ZFP64: variants seen among roughly 807,000 people sequenced by gnomAD.
The protein encoded by ZFP64 is ZFP64 zinc finger protein, also known as zinc finger protein 64.
In ZFP64, 14 loss-of-function variants were observed where a neutral mutation model predicts 51.6. The ratio of observed to expected loss-of-function variants is 0.27; its 90% CI spans 0.18 to 0.42. The LOEUF (loss-of-function observed/expected upper bound fraction) is 0.42, where lower values mean the gene tolerates loss of function less well. Among genes scored for constraint, ZFP64 ranks in the 10% least tolerant of loss-of-function variants. The pLI is 1.00. For synonymous variants in ZFP64, 375 were observed against 361.4 expected (o/e 1.04, Z -0.43); for missense variants, 754 against 906.8 (o/e 0.83, Z 2.16).
chr20:52,105,393 G>A (rs546621081), intron 5 of ZFP64: 5 of 1,231,230 alleles, frequency 4.1e-6, no homozygotes, highest in South Asian at 8.2e-5. Flanking sequence ...GAGTCCTGAC[G>A]GCTGATTGGC....
downstream of ZFP64, among the ~76,000 whole-genome samples, chr20:52,147,767 C>T (rs1980594752): frequency 1.3e-5 from 2 of 152,132 alleles, no homozygotes; most frequent in Non-Finnish European, 2.9e-5. Context: ...GTAATCCCAG[C>T]ACTTTGGGAG....
intron 2 of ZFP64, among the ~76,000 whole-genome samples, chr20:52,171,657 T>C (rs1420552972): frequency 6.6e-6 from 1 of 152,014 alleles, no homozygotes. Context: ...ACCTGGCTAA[T>C]TTTTGTATTT....
chr20:52,134,482 T>C (rs1404243329), intron 5 of ZFP64, among the ~76,000 whole-genome samples: 13 of 152,224 alleles, frequency 8.5e-5, no homozygotes, highest in Admixed American at 8.5e-4. Flanking sequence ...AGTGTCATTG[T>C]GACTTAAGCC....
At chr20:52,138,423 G>A (rs1980087953) in intron 5 of ZFP64, among the ~76,000 whole-genome samples, 1 of 151,714 alleles carries the variant, frequency 6.6e-6, no homozygotes, top group Non-Finnish European at 1.5e-5. Flanking sequence ...ACAAGGAGAG[G>A]CTGATAAAGA....
rs1280908553 is a variant in ZFP64 at position 52,144,350 on chromosome 20, C to T, written c.763+15773G>A. On this transcript the variant is annotated intron_variant, in intron 5 of 8. Coordinates refer to the ZFP64 transcript ENST00000361387. Reference sequence around the variant, plus strand: ...ATCCCAGCACTTTGGGAGGCCAAGGCGGGCAGATCACGAGGTCAAGAGATC... The same window carrying T: ...ATCCCAGCACTTTGGGAGGCCAAGGTGGGCAGATCACGAGGTCAAGAGATC... 5.0e-5 allele frequency among the ~76,000 whole-genome samples: 7 copies of T among 141,026 alleles called. 1 individual carries two copies. The highest frequency in any genetic ancestry group is 1.0e-4 in the African/African-American group (4 of 39,344). 92.5% of individuals were successfully genotyped at this position (141,026 alleles called of 152,430 possible).
intron 5 of ZFP64, among the ~76,000 whole-genome samples, chr20:52,099,555 T>A (rs989858594): frequency 6.6e-6 from 1 of 152,206 alleles, no homozygotes; most frequent in South Asian, 2.1e-4. Flanking sequence ...AAAGCTGAGA[T>A]GGTAAGAAGT....
exon 9 of ZFP64, chr20:52,084,258 G>A (rs1311148285): frequency 5.6e-6 from 2 of 359,066 alleles, no homozygotes; most frequent in Non-Finnish European, 1.0e-5. Flanking sequence ...AATCCGTTAC[G>A]TAGAAGCTAT....
intron 5 of ZFP64, among the ~76,000 whole-genome samples, chr20:52,128,466 C>A (rs1372558841): frequency 6.6e-6 from 1 of 152,090 alleles, no homozygotes; most frequent in Non-Finnish European, 1.5e-5. Flanking sequence ...TAGCAACTAA[C>A]CTGAAAACAG....
At chr20:52,104,740 C>T in intron 5 of ZFP64, 1 of 509,580 alleles carries the variant, frequency 2.0e-6, no homozygotes, top group Non-Finnish European at 4.0e-6. Flanking sequence ...GCATTTGAAA[C>T]GTAACCCCAA....
At chr20:52,136,096 C>CAA (rs71192597) in intron 5 of ZFP64, among the ~76,000 whole-genome samples, 6,273 of 37,786 alleles carry the variant, frequency 0.17, 1,133 homozygotes, top group Non-Finnish European at 0.19. Flanking sequence ...GAGACTCTCT[C>CAA]AAAAAAAAAA....
chr20:52,178,677 C>T (rs530420579), intron 2 of ZFP64, among the ~76,000 whole-genome samples: 34 of 152,076 alleles, frequency 2.2e-4, no homozygotes, highest in Non-Finnish European at 4.4e-4. Context: ...CCTGAGCTTC[C>T]CCCACCCCCT....
At chr20:52,113,861 C>T (rs1357185031) in intron 5 of ZFP64, among the ~76,000 whole-genome samples, 1 of 152,100 alleles carries the variant, frequency 6.6e-6, no homozygotes. Flanking sequence ...TACAAGGTCA[C>T]TTTAGAGGGC....
chr20:52,142,589 C>T (rs1354866200), intron 5 of ZFP64, among the ~76,000 whole-genome samples: 1 of 151,766 alleles, frequency 6.6e-6, no homozygotes, highest in African/African-American at 2.4e-5. Context: ...TGCCTGTAAT[C>T]CCAGCACTTT....
chr20:52,125,921 A>C (rs986387390), intron 5 of ZFP64, among the ~76,000 whole-genome samples: 1 of 151,848 alleles, frequency 6.6e-6, no homozygotes, highest in Admixed American at 6.6e-5. Context: ...TCACTGTGTC[A>C]CCCAGGCTGG....
At chr20:52,148,762 A>C (rs555323701), downstream of ZFP64, among the ~76,000 whole-genome samples, 1 of 152,300 alleles carries the variant, frequency 6.6e-6, no homozygotes, top group African/African-American at 2.4e-5. Flanking sequence ...AAAACAAATA[A>C]GCAAGCAGTA....
intron 5 of ZFP64, among the ~76,000 whole-genome samples, chr20:52,129,665 C>A (rs991219589): frequency 2.0e-5 from 3 of 152,142 alleles, no homozygotes; most frequent in Non-Finnish European, 4.4e-5. Context: ...TGGCCCATTT[C>A]AGCCTCTTGG....
At chr20:52,088,975 C>T in intron 7 of ZFP64, 1 of 540,150 alleles carries the variant, frequency 1.9e-6, no homozygotes, top group East Asian at 5.0e-5. Context: ...CTTCATGAAC[C>T]ACATGGAGAA....
At chr20:52,136,610 G>T (rs1188406184) in intron 5 of ZFP64, among the ~76,000 whole-genome samples, 1 of 152,036 alleles carries the variant, frequency 6.6e-6, no homozygotes, top group Non-Finnish European at 1.5e-5. Context: ...CTGAAAAATG[G>T]TTTTTTAAAA....
rs576460770 is a variant in ZFP64 at position 52,154,893 on chromosome 20, T to C, written c.764-1465A>G. On this transcript the variant is annotated intron_variant, in intron 5 of 5. Transcript: ENST00000216923. ...TGCATGGCCCACAAAACCTAAAATA[T>C]TTACTATCTGGCCCTTTTCAGAAAA... Among the ~76,000 whole-genome samples the C allele has an allele frequency of 3.3e-5, 5 of 152,252 alleles. No homozygotes were observed. In the South Asian group the frequency reaches 1.0e-3, roughly 32 times the overall value.
Sources: allele counts gnomAD v4.1 joint callset (sites outside exome capture counted in the v4.1 genomes callset), GRCh38; gene constraint gnomAD v4.1.1; transcripts MANE v1.5; gene names NCBI Gene and HGNC (gene_info 2026-07-23, HGNC 2026-07-21).